UGT1A4: variants seen among roughly 807,000 people sequenced by gnomAD.
UGT1A4 encodes UDP-glucuronosyltransferase 1A4.
A neutral mutation model predicts 41.1 loss-of-function variants in UGT1A4; 32 were observed. That is an observed-to-expected ratio of 0.78 (90% CI 0.59 to 1.05). The LOEUF (loss-of-function observed/expected upper bound fraction) is 1.05. Among genes scored for constraint, UGT1A4 ranks in the 50% least tolerant of loss-of-function variants. UGT1A4 has a pLI of 0.00. For synonymous variants in UGT1A4, 283 were observed against 265.1 expected (o/e 1.07, Z -0.66); for missense variants, 748 against 677.4 (o/e 1.10, Z -1.16).
At chr2:233,760,178 T>C in intron 1 of UGT1A4, 1 of 1,545,848 alleles carries the variant, frequency 6.5e-7, no homozygotes, top group Non-Finnish European at 8.7e-7. Flanking sequence ...CTGACAGCTT[T>C]TTATAGTCAC....
chr2:233,736,062 G>T (rs1463600658), intron 1 of UGT1A4, among the ~76,000 whole-genome samples: 1 of 152,174 alleles, frequency 6.6e-6, no homozygotes, highest in East Asian at 1.9e-4. Flanking sequence ...GGCCTGCCTT[G>T]CTAGGTTTGG....
At chr2:233,740,251 C>G (rs922661439) in intron 1 of UGT1A4, among the ~76,000 whole-genome samples, 2 of 151,726 alleles carry the variant, frequency 1.3e-5, no homozygotes, top group African/African-American at 4.9e-5. Flanking sequence ...TAGACTAATA[C>G]AAGATTGGTG....
Position 233,769,804 on chromosome 2 carries a change from G to A in UGT1A4, c.1307+1365G>A, listed in dbSNP as rs1028893693. On this transcript the variant is annotated intron_variant, in intron 4 of 4. Transcript: ENST00000373409. The surrounding 1 kb of genome is among the most constrained non-coding windows in gnomAD (Gnocchi z 4.4). ...CAGAAGTTGGAGGCTGCTATGAGCCGTGATCATGCCACTGCACTCCAGCAA... is the reference window on the plus strand; with the variant it reads ...CAGAAGTTGGAGGCTGCTATGAGCCATGATCATGCCACTGCACTCCAGCAA... 2.8e-5 allele frequency: 31 copies of A among 1,110,686 alleles called. No individual in the cohort carries two copies. The highest frequency in any genetic ancestry group is 1.3e-4 in the African/African-American group (8 of 62,658). The allele number at this position is 1,110,686 out of a possible 1,614,324, so 68.8% of individuals were successfully genotyped here.
chr2:233,722,527 A>G (rs1427229559), intron 1 of UGT1A4, among the ~76,000 whole-genome samples: 1 of 152,148 alleles, frequency 6.6e-6, no homozygotes, highest in African/African-American at 2.4e-5. Context: ...TTTTTGCCTT[A>G]ATGATTTCAT....
In UGT1A4 at chr2:233,772,302, G is replaced by A. The variant is rs1458644938; in HGVS notation, c.1348G>A (p.Asp450Asn). Residue 450 changes from aspartate to asparagine, a missense_variant, in exon 5 of 5, where the codon GAC becomes AAC. Physicochemically the swap from Asp to Asn is conservative, Grantham distance 23. Coordinates refer to ENST00000373409, the MANE Select transcript of UGT1A4 (RefSeq NM_007120.3). ...CATGCGCCTCTCCAGCCTTCACAAG[G>A]ACCGCCCGGTGGAGCCGCTGGACCT... ...NIMRLSSLHK[D>N]RPVEPLDLAV... 1 of 1,614,232 alleles carries A rather than the reference G, an allele frequency of 6.2e-7. No individual in the cohort carries two copies.
intron 1 of UGT1A4, among the ~76,000 whole-genome samples, chr2:233,724,647 T>G (rs1247687172): frequency 2.2e-5 from 3 of 137,376 alleles, no homozygotes; most frequent in East Asian, 2.4e-4. Flanking sequence ...TGATGGCGGC[T>G]GGGAAGAGGC....
rs761622962 is a variant in UGT1A4 at position 233,769,246 on chromosome 2, A to C, written c.1307+807A>C. On this transcript the variant is annotated intron_variant, in intron 4 of 4. Transcript: ENST00000373409. The surrounding 1 kb of genome is among the most constrained non-coding windows in gnomAD (Gnocchi z 4.4). The stretch of plus-strand genomic sequence containing the variant: ...TAAGAGCAAAGGAAAATTTGCTCAA[A>C]TGTGGCCCTGAAAACGATTCAAAGG... Among the ~76,000 whole-genome samples the C allele has an allele frequency of 6.6e-6, 1 of 152,238 alleles. No individual in the cohort carries two copies. Among genetic ancestry groups the C allele is most frequent in the Non-Finnish European group, 1.5e-5 (1 of 68,028 alleles).
chr2:233,726,035 G>A (rs1399776855), intron 1 of UGT1A4, among the ~76,000 whole-genome samples: 10 of 152,160 alleles, frequency 6.6e-5, no homozygotes, highest in Admixed American at 4.6e-4. Context: ...GTGTGATGGC[G>A]CACACCTGTG....
chr2:233,755,082 T>A (rs971081603), intron 1 of UGT1A4: 2 of 1,336,596 alleles, frequency 1.5e-6, no homozygotes, highest in South Asian at 2.3e-5. Flanking sequence ...GTCATAGATA[T>A]CGCGTTTCTA....
Position 233,718,955 on chromosome 2 carries a change from G to C in UGT1A4, c.135G>C (p.Arg45=), listed in dbSNP as rs1197227644. The change falls in exon 1 of 5, where the codon CGG becomes CGC. Residue 45 remains arginine, a synonymous_variant. Transcript: ENST00000373409. ...ATGGCAGCCCCTGGCTCAGCATGCG[G>C]GAGGCCTTGCGGGAGCTCCATGCCA... The part of the protein sequence containing the change: ...PTDGSPWLSM[R]EALRELHARG... The C allele has an allele frequency of 6.2e-7, 1 of 1,614,222 alleles. No homozygotes were observed. Among genetic ancestry groups the C allele is most frequent in the Admixed American group, 1.7e-5 (1 of 60,030 alleles).
chr2:233,729,226 G>C (rs1226081470), intron 1 of UGT1A4: 2 of 1,614,168 alleles, frequency 1.2e-6, no homozygotes, highest in Admixed American at 3.3e-5. Flanking sequence ...GGTGTTGGTG[G>C]TGCCCATTGA....
chr2:233,729,076 T>C (rs907733585), intron 1 of UGT1A4: 3 of 1,612,000 alleles, frequency 1.9e-6, no homozygotes, highest in Non-Finnish European at 2.5e-6. Context: ...AAAGCAAATG[T>C]AGCAGGCACA....
At chr2:233,765,166 G>T (rs1228376175) in intron 1 of UGT1A4, among the ~76,000 whole-genome samples, 1 of 152,128 alleles carries the variant, frequency 6.6e-6, no homozygotes, top group Non-Finnish European at 1.5e-5. Flanking sequence ...CCCTCAGTTT[G>T]GGCAAGCCCT....
At chr2:233,741,088 C>T (rs758751982) in intron 1 of UGT1A4, among the ~76,000 whole-genome samples, 13 of 151,840 alleles carry the variant, frequency 8.6e-5, no homozygotes, top group Non-Finnish European at 1.9e-4. Flanking sequence ...TTAAAACAAA[C>T]AAGCAAACAG....
At chr2:233,753,361 T>G (rs1274018871) in intron 1 of UGT1A4, 1 of 152,246 alleles carries the variant, frequency 6.6e-6, no homozygotes, top group Admixed American at 6.5e-5. Context: ...ATTACTTGGG[T>G]GCCATTCCAT....
chr2:233,725,192 AGAGGCAGAGGCAGAGGCAGAGGCAGAG>A (rs1559370258), intron 1 of UGT1A4, among the ~76,000 whole-genome samples: 1 of 85,390 alleles, frequency 1.2e-5, no homozygotes, highest in Admixed American at 1.0e-4. Flanking sequence ...AGGCAGAGGC[AGAGGCAGAGGCAGAGGCAGAGGCAGAG>A]GAGGCAGAGG....
At chr2:233,747,624 A>C in intron 1 of UGT1A4, 3 of 1,577,546 alleles carry the variant, frequency 1.9e-6, no homozygotes, top group Non-Finnish European at 2.6e-6. Flanking sequence ...TGAGGCCCTG[A>C]TCAGGCACCT....
chr2:233,767,950 A>T lies in UGT1A4; in HGVS notation c.1087+14A>T. The T allele has an allele frequency of 6.2e-7, 1 of 1,614,160 alleles. No homozygotes were observed. On this transcript the variant is annotated intron_variant, in intron 3 of 4. Transcript: ENST00000373409. ...ACGATCTGCTTGGTATGTTGGGCGG[A>T]TTGGATGTATAGGTCAAACCAGGGT... is the stretch of plus-strand genomic sequence containing the variant.
intron 1 of UGT1A4, chr2:233,760,375 A>T (rs1032753915): frequency 1.2e-6 from 2 of 1,614,042 alleles, no homozygotes; most frequent in Admixed American, 1.7e-5. Context: ...TGCTGGGAAG[A>T]TACTGTTGAT....
Sources: gnomAD v4.1 joint callset for allele counts (sites outside exome capture counted in the v4.1 genomes callset) on GRCh38, gnomAD v4.1.1 for gene constraint, Gnocchi (gnomAD v3.1) non-coding constraint, MANE v1.5 for transcripts, NCBI Gene and HGNC (gene_info 2026-07-23, HGNC 2026-07-21) for gene names.